Variants in SERPINI2 observed in about 807,000 individuals in gnomAD.
SERPINI2 encodes the protein serpin I2.
Under a neutral mutation model 47.3 loss-of-function variants are expected in SERPINI2, and 48 were observed. That is an observed-to-expected ratio of 1.02 (90% CI 0.81 to 1.29). SERPINI2 has a LOEUF of 1.29. Among genes scored for constraint, SERPINI2 ranks in the 50% most tolerant of loss-of-function variants. SERPINI2 has a pLI of 0.00. For synonymous variants in SERPINI2, 135 were observed against 149.3 expected, an observed-to-expected ratio of 0.90 and a Z score of 0.70; for missense variants, 448 against 456.9, an observed-to-expected ratio of 0.98 and a Z score of 0.18.
At chr3:167,455,338 C>G (rs184278284) in intron 5 of SERPINI2, among the ~76,000 whole-genome samples, 336 of 152,250 alleles carry the variant, frequency 2.2e-3, no homozygotes, top group Non-Finnish European at 3.9e-3. Context: ...AAGGGAAAAG[C>G]TGCAGAAAAA....
chr3:167,453,830 C>A (rs1428658768), intron 5 of SERPINI2, among the ~76,000 whole-genome samples: 2 of 151,680 alleles, frequency 1.3e-5, no homozygotes, highest in Non-Finnish European at 2.9e-5. Context: ...TTCCACGATT[C>A]CAAGTCAAAA....
At chr3:167,464,168 C>G (rs1445593995) in intron 5 of SERPINI2, among the ~76,000 whole-genome samples, 6 of 152,032 alleles carry the variant, frequency 3.9e-5, no homozygotes, top group African/African-American at 1.2e-4. Context: ...CACCTGCCAC[C>G]ATGCCCAGCT....
intron 5 of SERPINI2, 35 bp downstream of exon 5, chr3:167,465,171 C>T (rs373594609): frequency 1.0e-5 from 16 of 1,548,048 alleles, no homozygotes; most frequent in East Asian, 4.5e-5. Flanking sequence ...TGAGTGGAAA[C>T]GTAAGAACTC....
Position 167,446,494 on chromosome 3 carries a change from G to C in SERPINI2, c.1052-13C>G. ...GGGATGTGTATGCCTATAAAATAGA[G>C]ACAACAGTTATTTAGATACTTGCAT... On this transcript the variant is annotated splice_polypyrimidine_tract_variant and intron_variant, in intron 7 of 8. Transcript: ENST00000264677. The C allele has an allele frequency of 6.7e-7, 1 of 1,499,022 alleles. No individual in the cohort carries two copies. The highest frequency in any genetic ancestry group is 1.7e-4 in the Middle Eastern group (1 of 5,776). The allele number at this position is 1,499,022 out of a possible 1,614,324, so 92.9% of individuals were successfully genotyped here. A position where few individuals can be genotyped will look rare whatever the true frequency, so the allele number is the denominator to read the frequency against.
At chr3:167,472,371 G>A (rs546877161) in intron 1 of SERPINI2, among the ~76,000 whole-genome samples, 5 of 151,854 alleles carry the variant, frequency 3.3e-5, no homozygotes, top group Admixed American at 6.6e-5. Flanking sequence ...TTTTCCTCAC[G>A]CTTTATTTCT....
At chr3:167,457,431 C>G (rs1749825902) in intron 5 of SERPINI2, among the ~76,000 whole-genome samples, 1 of 152,218 alleles carries the variant, frequency 6.6e-6, no homozygotes, top group Admixed American at 6.5e-5. Context: ...CAACCTATTT[C>G]TTCTTAACCC....
chr3:167,462,421 T>C (rs1449857920), intron 5 of SERPINI2, among the ~76,000 whole-genome samples: 1 of 152,228 alleles, frequency 6.6e-6, no homozygotes, highest in Non-Finnish European at 1.5e-5. Flanking sequence ...TATGCCTCTC[T>C]TGTTGATTTG....
At chr3:167,473,523 G>T (rs1378204330) in intron 1 of SERPINI2, among the ~76,000 whole-genome samples, 1 of 151,148 alleles carries the variant, frequency 6.6e-6, no homozygotes, top group Non-Finnish European at 1.5e-5. Flanking sequence ...TTATGTATTT[G>T]GTTTATATTG....
At chr3:167,451,065 T>C (rs1749627296) in intron 6 of SERPINI2, among the ~76,000 whole-genome samples, 1 of 152,218 alleles carries the variant, frequency 6.6e-6, no homozygotes, top group African/African-American at 2.4e-5. Flanking sequence ...AACAATACGT[T>C]TGCTAGATGT....
upstream of SERPINI2, chr3:167,474,201 A>G (rs1188088532): frequency 1.2e-6 from 1 of 802,888 alleles, no homozygotes; most frequent in Non-Finnish European, 1.5e-6. Context: ...TGATCAACTG[A>G]TGAAATGTGC....
intron 7 of SERPINI2, among the ~76,000 whole-genome samples, chr3:167,448,684 G>A (rs1044198569): frequency 1.3e-5 from 2 of 152,038 alleles, no homozygotes; most frequent in Admixed American, 6.6e-5. Context: ...CACCACGCCC[G>A]GCTAATTTTT....
chr3:167,457,868 C>G (rs1190505149), intron 5 of SERPINI2, among the ~76,000 whole-genome samples: 1 of 152,100 alleles, frequency 6.6e-6, no homozygotes, highest in East Asian at 1.9e-4. Context: ...TTCTAAAACC[C>G]AAACTTAATT....
intron 6 of SERPINI2, among the ~76,000 whole-genome samples, chr3:167,450,305 C>T (rs1158022813): frequency 1.3e-5 from 2 of 152,114 alleles, no homozygotes; most frequent in Non-Finnish European, 1.5e-5. Flanking sequence ...TGGATATGAG[C>T]TGAGAGTGAA....
intron 3 of SERPINI2, 110 bp from the exon 4 acceptor site, chr3:167,465,783 A>C: frequency 1.2e-6 from 1 of 814,156 alleles, no homozygotes; most frequent in South Asian, 2.0e-5. Flanking sequence ...AGTTTTGGAT[A>C]GGGCATGTTA....
chr3:167,465,489 T>G (rs1238058345), exon 4 of SERPINI2: 1 of 1,613,404 alleles, frequency 6.2e-7, no homozygotes, highest in South Asian at 1.1e-5. Flanking sequence ...CATATTTTGT[T>G]CTCAGAAGAG....
chr3:167,452,758 GA>G (rs1006303380), intron 6 of SERPINI2, among the ~76,000 whole-genome samples, 177 bp downstream of exon 6: 14 of 152,130 alleles, frequency 9.2e-5, no homozygotes, highest in African/African-American at 3.4e-4. Context: ...CTTTCATTAA[GA>G]AAAACTACTT....
upstream of SERPINI2, chr3:167,474,240 T>A (rs564956034): frequency 3.7e-6 from 2 of 543,328 alleles, no homozygotes; most frequent in African/African-American, 4.1e-5. Context: ...AATTATAGAA[T>A]TTTTTAAAAG....
chr3:167,457,723 A>G (rs1262523934), intron 5 of SERPINI2, among the ~76,000 whole-genome samples: 1 of 152,208 alleles, frequency 6.6e-6, no homozygotes, highest in Non-Finnish European at 1.5e-5. Context: ...CAAGTAGCTT[A>G]TGGGTCAGAG....
chr3:167,445,141 GT>G (rs1159713033), intron 8 of SERPINI2, among the ~76,000 whole-genome samples: 3 of 152,148 alleles, frequency 2.0e-5, no homozygotes, highest in Non-Finnish European at 1.5e-5. Flanking sequence ...CTGTTTCATT[GT>G]TTTTAAGATA....
Sources: gnomAD v4.1 joint callset for allele counts (sites outside exome capture counted in the v4.1 genomes callset) on GRCh38, gnomAD v4.1.1 for gene constraint, MANE v1.5 for transcripts, NCBI Gene and HGNC (gene_info 2026-07-23, HGNC 2026-07-21) for gene names.